The following C15orf39 variants were observed in gnomAD, a reference collection of about 807,000 sequenced individuals.
C15orf39 encodes the protein uncharacterized protein C15orf39.
Under a neutral mutation model 53.9 loss-of-function variants are expected in C15orf39, and 24 were observed. The ratio of observed to expected loss-of-function variants is 0.45; its 90% CI spans 0.32 to 0.63. The LOEUF (loss-of-function observed/expected upper bound fraction) is 0.63, where lower values mean the gene tolerates loss of function less well. Ranked by LOEUF, C15orf39 falls within the 20% of genes least tolerant of loss-of-function variation. The pLI is 0.04. For missense variants in C15orf39, 1,271 were observed against 1,347.9 expected (o/e 0.94, Z 0.89); for synonymous variants, 569 against 576.5 (o/e 0.99, Z 0.19).
chr15:75,203,365 C>T (rs1000868442), intron 1 of C15orf39, among the ~76,000 whole-genome samples: 2 of 152,220 alleles, frequency 1.3e-5, no homozygotes, highest in Admixed American at 6.5e-5. Flanking sequence ...ATGATCTGAG[C>T]CTGCTCCCTG....
At chr15:75,203,154 C>T (rs540458414) in intron 1 of C15orf39, among the ~76,000 whole-genome samples, 16 of 152,370 alleles carry the variant, frequency 1.1e-4, no homozygotes, top group Middle Eastern at 3.4e-3. Flanking sequence ...GCAGGAATCG[C>T]GCTCTTCTTC....
At chr15:75,209,179 A>T (rs1409040913) in intron 2 of C15orf39, 1 of 252,236 alleles carries the variant, frequency 4.0e-6, no homozygotes, top group East Asian at 1.0e-4. Context: ...TCTAGCTGAG[A>T]TAATTTCCCT....
rs780161865 is a variant in C15orf39 at position 75,206,824 on chromosome 15, C to T, written c.776C>T (p.Pro259Leu). The T allele has an allele frequency of 1.2e-5, 19 of 1,603,212 alleles. No individual in the cohort carries two copies. Among genetic ancestry groups the T allele is most frequent in the Non-Finnish European group, 1.4e-5 (16 of 1,174,980 alleles). Residue 259 changes from proline to leucine, a missense_variant, in exon 2 of 3, where the codon CCA becomes CTA. Pro to Leu is a moderately conservative substitution (Grantham distance 98, BLOSUM62 -3). Coordinates refer to ENST00000394987, the MANE Select transcript of C15orf39 (RefSeq NM_015492.5). Reference sequence around the variant, plus strand: ...ACCCAGCTGGCCCAGCCCCTGGGGCCACCCTGTCAGGACACCGGGCCCACC... The same window carrying T: ...ACCCAGCTGGCCCAGCCCCTGGGGCTACCCTGTCAGGACACCGGGCCCACC... ...PWTQLAQPLG[P>L]PCQDTGPTHY...
chr15:75,206,934 G>A lies in C15orf39; in HGVS notation c.886G>A (p.Gly296Ser). 2 of 1,543,556 alleles carry A rather than the reference G, an allele frequency of 1.3e-6. No individual in the cohort carries two copies. The highest frequency in any genetic ancestry group is 2.5e-5 in the South Asian group (2 of 79,682). Reference sequence around the variant, plus strand: ...AGCCTGTCGCCACCCAGAGAAGCAGGGCAGCTACAGCCCAGCACTCCCACT... The same window carrying A: ...AGCCTGTCGCCACCCAGAGAAGCAGAGCAGCTACAGCCCAGCACTCCCACT... ...PPACRHPEKQ[G>S]SYSPALPLQP... The change falls in exon 2 of 3, where the codon GGC becomes AGC. Residue 296 changes from glycine to serine, a missense_variant. Gly to Ser is a moderately conservative substitution (Grantham distance 56, BLOSUM62 0). Transcript: ENST00000394987.
At position 75,207,204 on chromosome 15, in the gene C15orf39, T is replaced by C. The variant is rs2070446878; in HGVS notation, c.1156T>C (p.Ser386Pro). The C allele has an allele frequency of 6.2e-7, 1 of 1,613,696 alleles. No homozygotes were observed. The highest frequency in any genetic ancestry group is 1.3e-5 in the African/African-American group (1 of 74,944). ...TTTTCCTTATGCCCGGGATGACCTCTCTCTCTATGGAGCATCCCCTGGGCT... is the reference window on the plus strand; with the variant it reads ...TTTTCCTTATGCCCGGGATGACCTCCCTCTCTATGGAGCATCCCCTGGGCT... ...LSFPYARDDL[S>P]LYGASPGLGG... Residue 386 changes from serine to proline, a missense_variant, in exon 2 of 3, where the codon TCT (serine) becomes CCT (proline). Transcript: ENST00000394987.
intron 2 of C15orf39, among the ~76,000 whole-genome samples, chr15:75,210,149 G>A (rs1292988950): frequency 1.3e-5 from 2 of 152,128 alleles, no homozygotes; most frequent in Non-Finnish European, 2.9e-5. Flanking sequence ...TGCAACAATC[G>A]GGGGGCCTGG....
At chr15:75,210,462 T>C (rs2070475151) in intron 2 of C15orf39, among the ~76,000 whole-genome samples, 1 of 152,206 alleles carries the variant, frequency 6.6e-6, no homozygotes, top group Non-Finnish European at 1.5e-5. Flanking sequence ...GCAATGGGTA[T>C]TGGACCAGGC....
Position 75,206,463 on chromosome 15 carries a change from T to G in C15orf39, c.415T>G (p.Cys139Gly). The change falls in exon 2 of 3, where the codon TGC (cysteine) becomes GGC (glycine). Residue 139 changes from cysteine (C) to glycine (G), a missense_variant. Transcript: ENST00000394987. ...CAAACCTGTCTACCGCAACCCTCTG[T>G]GCTATGGGCTCTCAACTTGTCTGGG... ...APKPVYRNPLCYGLSTCLGEG... is the reference protein window; with the variant it reads ...APKPVYRNPLGYGLSTCLGEG... 1 of 1,614,050 alleles carries G rather than the reference T, an allele frequency of 6.2e-7. No homozygotes were observed. The highest frequency in any genetic ancestry group is 1.1e-5 in the South Asian group (1 of 91,070).
intron 1 of C15orf39, among the ~76,000 whole-genome samples, chr15:75,205,719 G>T (rs920555540): frequency 3.9e-5 from 6 of 152,160 alleles, no homozygotes; most frequent in African/African-American, 1.4e-4. Flanking sequence ...CAACCTGGGA[G>T]TTGGGAGAAT....
chr15:75,204,670 G>A (rs1299117016), intron 1 of C15orf39, among the ~76,000 whole-genome samples: 3 of 152,164 alleles, frequency 2.0e-5, no homozygotes, highest in Admixed American at 2.0e-4. Context: ...ACCATGCCTG[G>A]CTAATTTTTT....
Position 75,207,020 on chromosome 15 carries a change from C to T in C15orf39, c.972C>T (p.Tyr324=), listed in dbSNP as rs760324163. The change falls in exon 2 of 3, where the codon TAC becomes TAT. Residue 324 remains tyrosine (Y), a synonymous_variant. Coordinates refer to ENST00000394987, the MANE Select transcript of C15orf39 (RefSeq NM_015492.5). ...GYQAGGLGSP[Y]LRQQAAQAPY... is the part of the protein sequence containing the mutation. ...AGGCTGGTGGGCTGGGCAGCCCCTA[C>T]CTGAGGCAGCAGGCAGCCCAGGCAC... 1.2e-6 allele frequency: 2 copies of T among 1,605,700 alleles called. No individual in the cohort carries two copies. The highest frequency in any genetic ancestry group is 2.2e-5 in the South Asian group (2 of 89,750).
chr15:75,211,194 G>A lies in C15orf39; in HGVS notation c.*78G>A, dbSNP rs2070481183. 13 of 1,504,704 alleles carry A rather than the reference G, an allele frequency of 8.6e-6. No homozygotes were observed. Among genetic ancestry groups the A allele is most frequent in the Middle Eastern group, 2.2e-4 (1 of 4,558 alleles). 93.2% of individuals were successfully genotyped at this position (1,504,704 alleles called of 1,614,324 possible). On this transcript the variant is annotated 3_prime_UTR_variant, in exon 3 of 3. Coordinates refer to ENST00000394987, the MANE Select transcript of C15orf39 (RefSeq NM_015492.5). ...GCCTGCCCAGCTGCCCCGGGGCCAC[G>A]AGTGGATGCTGGGGCTGTGGCTGCT...
intron 1 of C15orf39, among the ~76,000 whole-genome samples, chr15:75,204,878 G>C (rs1400724226): frequency 6.6e-6 from 1 of 152,128 alleles, no homozygotes; most frequent in African/African-American, 2.4e-5. Flanking sequence ...CCTAGGAATC[G>C]CCATCTGCAG....
intron 1 of C15orf39, 149 bp from the exon 2 acceptor site, chr15:75,205,850 C>G: frequency 1.7e-6 from 1 of 584,192 alleles, no homozygotes; most frequent in South Asian, 2.4e-5. Flanking sequence ...ACCTCTGTCA[C>G]GTGGCTCATG....
At position 75,208,815 on chromosome 15, in the gene C15orf39, C is replaced by T. The variant is rs749135847; in HGVS notation, c.2767C>T (p.Arg923Cys). The change falls in exon 2 of 3, where the codon CGC becomes TGC. Residue 923 changes from arginine to cysteine, a missense_variant. This residue lies in a region of C15orf39 where 277 missense variants were observed against 354.1 expected (regional missense o/e 0.78). Transcript: ENST00000394987. Reference sequence around the variant, plus strand: ...CCTGCAGTGGCGCGACTGTGTACGCCGCCAGCTGGGTGAGCATGGGGCAGC... The same window carrying T: ...CCTGCAGTGGCGCGACTGTGTACGCTGCCAGCTGGGTGAGCATGGGGCAGC... ...LGLQWRDCVR[R>C]QLGDFDTEAG... The T allele has an allele frequency of 4.4e-6, 7 of 1,595,570 alleles. No homozygotes were observed. The highest frequency in any genetic ancestry group is 1.1e-5 in the South Asian group (1 of 89,436).
chr15:75,207,846 A>T lies in C15orf39; in HGVS notation c.1798A>T (p.Thr600Ser), dbSNP rs758951591. ...ASRSVEHAKP[T>S]AAMDVPDVGN... ...CCGTTCTGTGGAGCATGCCAAGCCT[A>T]CTGCAGCCATGGATGTGCCAGATGT... Residue 600 changes from threonine to serine, a missense_variant, in exon 2 of 3, where the codon ACT (threonine) becomes TCT (serine). Around this residue, in one of 2 missense-constraint regions of C15orf39, gnomAD observed 994 missense variants for 993.7 expected, o/e 1.00. Coordinates refer to ENST00000394987, the MANE Select transcript of C15orf39 (RefSeq NM_015492.5). The T allele has an allele frequency of 1.2e-6, 2 of 1,613,406 alleles. No homozygotes were observed. Among genetic ancestry groups the T allele is most frequent in the East Asian group, 4.5e-5 (2 of 44,868 alleles).
In C15orf39 at chr15:75,209,489, T is replaced by G. The variant is rs141437761; in HGVS notation, c.2776+665T>G. On this transcript the variant is annotated intron_variant, in intron 2 of 2. Coordinates refer to ENST00000394987, the MANE Select transcript of C15orf39 (RefSeq NM_015492.5). Reference sequence around the variant, plus strand: ...AGTGTGCGCATAAGTCGCATTGTTTTGTGGTTTGCTTTTCCTCTACTAAAT... The same window carrying G: ...AGTGTGCGCATAAGTCGCATTGTTTGGTGGTTTGCTTTTCCTCTACTAAAT... The G allele has an allele frequency of 9.0e-3, 1,377 of 152,402 alleles. 6 individuals are homozygous for G. Among genetic ancestry groups the G allele is most frequent in the Non-Finnish European group, 0.016 (1,062 of 68,062 alleles). The allele number at this position is 152,402 out of a possible 1,614,324, so 9.4% of individuals were successfully genotyped here.
intron 2 of C15orf39, chr15:75,209,029 C>T (rs2070464733): frequency 2.3e-6 from 2 of 857,916 alleles, no homozygotes; most frequent in South Asian, 1.9e-5. Context: ...TTGTAGGCTT[C>T]TGAACATGCC....
chr15:75,198,957 A>G (rs1054617461), upstream of C15orf39: 8 of 152,244 alleles, frequency 5.3e-5, no homozygotes, highest in Non-Finnish European at 8.8e-5. Context: ...CCACCTTGAA[A>G]GAGAAGGGGT....
Sources: gnomAD v4.1 joint callset for allele counts (sites outside exome capture counted in the v4.1 genomes callset) on GRCh38, gnomAD v4.1.1 for gene constraint, gnomAD v4.1.1 regional missense constraint, MANE v1.5 for transcripts, NCBI Gene and HGNC (gene_info 2026-07-23, HGNC 2026-07-21) for gene names.